ASAP1: variants seen among roughly 807,000 people sequenced by gnomAD.
ASAP1 encodes arf-GAP with SH3 domain, ANK repeat and PH domain-containing protein 1.
In ASAP1, 43 loss-of-function variants were observed where a neutral mutation model predicts 145.2. The ratio of observed to expected loss-of-function variants is 0.30; its 90% confidence interval spans 0.23 to 0.38. The LOEUF is 0.38. Ranked by LOEUF, ASAP1 falls within the 10% of genes least tolerant of loss-of-function variation. ASAP1 has a pLI of 1.00. For synonymous variants in ASAP1, 546 were observed against 515.5 expected (o/e 1.06, Z -0.80); for missense variants, 1,018 against 1,355.3 (o/e 0.75, Z 3.91).
At chr8:130,291,742 A>G (rs1185123256) in intron 3 of ASAP1, among the ~76,000 whole-genome samples, 1 of 151,944 alleles carries the variant, frequency 6.6e-6, no homozygotes, top group Non-Finnish European at 1.5e-5. Flanking sequence ...AGAGAGATTC[A>G]CTCTTGCTTA....
At chr8:130,084,416 G>A (rs2097488063) in intron 25 of ASAP1, 1 of 152,218 alleles carries the variant, frequency 6.6e-6, no homozygotes, top group African/African-American at 2.4e-5. Context: ...TTGGAAAAAG[G>A]TCTTAGTGTA....
intron 3 of ASAP1, among the ~76,000 whole-genome samples, chr8:130,238,274 C>T (rs1818331367): frequency 6.6e-6 from 1 of 152,138 alleles, no homozygotes. Flanking sequence ...GCTTTCTGGT[C>T]ACATCAGCTT....
intron 1 of ASAP1, among the ~76,000 whole-genome samples, chr8:130,436,397 A>G (rs1287449970): frequency 6.6e-6 from 1 of 152,104 alleles, no homozygotes; most frequent in African/African-American, 2.4e-5. Context: ...CTGGGCTCAA[A>G]CAATCCTCCC....
At chr8:130,199,776 G>C (rs894401896) in intron 5 of ASAP1, among the ~76,000 whole-genome samples, 2 of 152,146 alleles carry the variant, frequency 1.3e-5, no homozygotes, top group Non-Finnish European at 2.9e-5. Context: ...GAGAACTATA[G>C]GGAGATGCTC....
At chr8:130,142,693 G>C (rs112523898) in intron 13 of ASAP1, among the ~76,000 whole-genome samples, 6 of 152,162 alleles carry the variant, frequency 3.9e-5, no homozygotes, top group Non-Finnish European at 2.9e-5. Context: ...GACAAACTGG[G>C]AAGTGTGATA....
intron 12 of ASAP1, 150 bp downstream of exon 12, chr8:130,159,714 C>T: frequency 1.6e-6 from 1 of 638,562 alleles, no homozygotes. Context: ...GAGAGCTGGT[C>T]AAATCTCGGA....
intron 18 of ASAP1, among the ~76,000 whole-genome samples, chr8:130,121,409 T>C (rs1211739448): frequency 6.6e-6 from 1 of 152,176 alleles, no homozygotes; most frequent in Admixed American, 6.5e-5. Flanking sequence ...GTCCAAGTCA[T>C]GACAACTGAG....
rs1352017007 is a variant in ASAP1 at position 130,167,311 on chromosome 8, A to T, written c.909+225T>A. The T allele has an allele frequency of 9.0e-6, 5 of 552,526 alleles. No individual in the cohort carries two copies. In the African/African-American group the frequency reaches 2.0e-4, roughly 22 times the overall value. 34.2% of individuals were successfully genotyped at this position (552,526 alleles called of 1,614,324 possible). On this transcript the variant is annotated intron_variant, in intron 11 of 29. Transcript: ENST00000518721. Reference sequence around the variant, plus strand: ...ACCCTGTCTCAAAAAAGTAAAGAAAAAAGAAAAAAAAAAAATCCAGAGTCA... The same window carrying T: ...ACCCTGTCTCAAAAAAGTAAAGAAATAAGAAAAAAAAAAAATCCAGAGTCA...
At chr8:130,188,035 C>A in intron 6 of ASAP1, 74 bp downstream of exon 6, 2 of 1,063,076 alleles carry the variant, frequency 1.9e-6, no homozygotes, top group Non-Finnish European at 2.9e-6. Flanking sequence ...ACAAGTACTA[C>A]TATGATCTTG....
intron 3 of ASAP1, among the ~76,000 whole-genome samples, chr8:130,269,231 G>A (rs2137056326): frequency 6.6e-6 from 1 of 152,314 alleles, no homozygotes; most frequent in South Asian, 2.1e-4. Flanking sequence ...GAAAAAGGCA[G>A]AGTCTGGTTT....
chr8:130,179,159 A>G (rs1245813092), intron 9 of ASAP1, 105 bp downstream of exon 9: 1 of 646,484 alleles, frequency 1.5e-6, no homozygotes, highest in Non-Finnish European at 2.6e-6. Context: ...ATATCACTTT[A>G]TTTAGTCACG....
intron 9 of ASAP1, among the ~76,000 whole-genome samples, chr8:130,173,233 A>G (rs765356862): frequency 1.1e-4 from 17 of 152,220 alleles, no homozygotes; most frequent in Non-Finnish European, 2.1e-4. Context: ...TAGAAGAATA[A>G]AATAACCATG....
intron 3 of ASAP1, among the ~76,000 whole-genome samples, chr8:130,288,749 TG>T (rs1371253314): frequency 6.6e-6 from 1 of 152,150 alleles, no homozygotes; most frequent in Admixed American, 6.5e-5. Flanking sequence ...CCCAGTAATC[TG>T]GTCAATGCAA....
At chr8:130,426,742 A>T (rs887862021) in intron 1 of ASAP1, among the ~76,000 whole-genome samples, 4 of 152,136 alleles carry the variant, frequency 2.6e-5, no homozygotes. Flanking sequence ...GCTTAGTGTC[A>T]CATTCTCAGG....
At chr8:130,215,177 G>A (rs1816823116) in intron 4 of ASAP1, among the ~76,000 whole-genome samples, 1 of 152,134 alleles carries the variant, frequency 6.6e-6, no homozygotes, top group South Asian at 2.1e-4. Flanking sequence ...TGGGATTACA[G>A]GTGTGAGCCA....
chr8:130,124,136 A>G, intron 17 of ASAP1, 32 bp from the exon 18 acceptor site: 2 of 1,454,236 alleles, frequency 1.4e-6, no homozygotes, highest in Non-Finnish European at 1.9e-6. Context: ...ACCACAATAT[A>G]GCAAACTCTT....
chr8:130,341,337 G>A (rs560664105), intron 3 of ASAP1, among the ~76,000 whole-genome samples: 3 of 152,220 alleles, frequency 2.0e-5, no homozygotes, highest in Non-Finnish European at 2.9e-5. Context: ...GTGTCTAAGC[G>A]CTTGAGTTGA....
In ASAP1 at chr8:130,321,060, A is replaced by G. The variant is rs1038113178; in HGVS notation, c.186+36957T>C. ...CTGAGGAAACCTAAGGATCCTTTCA[A>G]TTTTGAAATTTTGTGATTCCAAGAC... On this transcript the variant is annotated intron_variant, in intron 3 of 29. Coordinates refer to ENST00000518721, the MANE Select transcript of ASAP1 (RefSeq NM_018482.4). Among the ~76,000 whole-genome samples, 3 of 152,288 alleles carry G rather than the reference A, an allele frequency of 2.0e-5. No homozygotes were observed. The East Asian group carries it at 5.8e-4, about 29-fold the overall frequency.
chr8:130,185,079 C>A (rs1422638738), intron 7 of ASAP1, among the ~76,000 whole-genome samples: 1 of 152,124 alleles, frequency 6.6e-6, no homozygotes, highest in Non-Finnish European at 1.5e-5. Flanking sequence ...TGTGTGGAGT[C>A]ATTTTGTTTT....
Sources: gnomAD v4.1 joint callset for allele counts (sites outside exome capture counted in the v4.1 genomes callset) on GRCh38, gnomAD v4.1.1 for gene constraint, MANE v1.5 for transcripts, NCBI Gene and HGNC (gene_info 2026-07-23, HGNC 2026-07-21) for gene names.